Variants in DLG2 observed in about 807,000 individuals in gnomAD.
DLG2 encodes the protein disks large homolog 2.
A neutral mutation model predicts 132.5 loss-of-function variants in DLG2; 45 were observed. The ratio of observed to expected loss-of-function variants is 0.34; its 90% confidence interval spans 0.27 to 0.44. The LOEUF (loss-of-function observed/expected upper bound fraction) is 0.44. DLG2 is among the 20% of genes least tolerant of loss of function. The pLI is 1.00. For missense variants in DLG2, 1,045 were observed against 1,196.9 expected (o/e 0.87, Z 1.87); for synonymous variants, 424 against 419.6 (o/e 1.01, Z -0.13).
intron 6 of DLG2, among the ~76,000 whole-genome samples, chr11:84,942,197 TTTTG>T (rs1443529138): frequency 6.6e-6 from 1 of 152,138 alleles, no homozygotes; most frequent in African/African-American, 2.4e-5. Context: ...TAACTTCTTA[TTTTG>T]TTTATCTATT....
At chr11:85,501,149 AC>A (rs780972053) in intron 3 of DLG2, among the ~76,000 whole-genome samples, 2 of 152,174 alleles carry the variant, frequency 1.3e-5, no homozygotes, top group Non-Finnish European at 2.9e-5. Context: ...GACAAACCCG[AC>A]AAAAACAAGC....
Position 84,203,780 on chromosome 11 carries a change from G to T in DLG2, c.574-40269C>A, listed in dbSNP as rs142009302. On this transcript the variant is annotated intron_variant, in intron 8 of 27. Coordinates refer to ENST00000376104, the MANE Select transcript of DLG2 (RefSeq NM_001142699.3). ...AACACAAAATGGGGCTTGTCAGAGG[G>T]TGTGGGTGACAGGAGGGAATGCCTC... Among the ~76,000 whole-genome samples, 164 of 151,990 alleles carry T rather than the reference G, an allele frequency of 1.1e-3. 4 individuals are homozygous for T. In the East Asian group the frequency reaches 0.017, roughly 15 times the overall value.
At chr11:85,624,705 T>C (rs1422547522) in intron 2 of DLG2, among the ~76,000 whole-genome samples, 1 of 152,188 alleles carries the variant, frequency 6.6e-6, no homozygotes, top group Non-Finnish European at 1.5e-5. Context: ...TTTTAAGAGA[T>C]TAAAAGCAAG....
At chr11:84,070,006 C>T (rs1487093894) in intron 10 of DLG2, among the ~76,000 whole-genome samples, 4 of 152,202 alleles carry the variant, frequency 2.6e-5, no homozygotes, top group Non-Finnish European at 5.9e-5. Context: ...AGCTTCCTAG[C>T]TAGTTTTCCT....
chr11:84,109,454 G>T (rs1329928685), intron 9 of DLG2, among the ~76,000 whole-genome samples: 1 of 152,160 alleles, frequency 6.6e-6, no homozygotes, highest in Admixed American at 6.5e-5. Flanking sequence ...AGAATAGGCT[G>T]GGTGGATTGA....
At chr11:84,657,204 A>G (rs146161043) in intron 6 of DLG2, among the ~76,000 whole-genome samples, 1 of 152,244 alleles carries the variant, frequency 6.6e-6, no homozygotes, top group East Asian at 1.9e-4. Flanking sequence ...ATAAAAATAA[A>G]CCTATTTTAA....
At chr11:84,104,224 C>T (rs1394442020) in intron 9 of DLG2, among the ~76,000 whole-genome samples, 1 of 152,040 alleles carries the variant, frequency 6.6e-6, no homozygotes, top group Non-Finnish European at 1.5e-5. Flanking sequence ...TACATATATA[C>T]CATGGAATAC....
intron 3 of DLG2, among the ~76,000 whole-genome samples, chr11:85,484,936 A>G (rs1168704927): frequency 3.3e-5 from 5 of 152,172 alleles, no homozygotes; most frequent in Non-Finnish European, 7.3e-5. Context: ...ACAATAGCAA[A>G]GACTTGGAAC....
intron 6 of DLG2, among the ~76,000 whole-genome samples, chr11:84,740,645 T>C (rs2064488545): frequency 6.6e-6 from 1 of 152,158 alleles, no homozygotes; most frequent in African/African-American, 2.4e-5. Context: ...CACCAGTGGC[T>C]GAACACCACA....
intron 6 of DLG2, among the ~76,000 whole-genome samples, chr11:84,836,017 G>A (rs963861212): frequency 6.6e-6 from 1 of 151,716 alleles, no homozygotes. Flanking sequence ...GAAAACAGGA[G>A]AGCAGGAACT....
At chr11:84,650,873 G>GTATATATATATATA (rs71274437) in intron 6 of DLG2, among the ~76,000 whole-genome samples, 17 of 123,972 alleles carry the variant, frequency 1.4e-4, no homozygotes, top group African/African-American at 2.5e-4. Flanking sequence ...GTGTGTGTGT[G>GTATATATATATATA]TATATATATA....
rs113318666 is a variant in DLG2 at position 84,490,886 on chromosome 11, C to CGTGTGTGTGT, written c.519+43674_519+43683dup. Among the ~76,000 whole-genome samples the CGTGTGTGTGT allele has an allele frequency of 4.9e-3, 723 of 147,934 alleles. 9 individuals carry two copies. Among genetic ancestry groups the CGTGTGTGTGT allele is most frequent in the African/African-American group, 0.015 (607 of 40,568 alleles). Reference sequence around the variant, plus strand: ...CCATTCTAACAGATCTGAATGGTTGCGTGTGTGTGTGTGTGTGTGTGTGCA... The same window carrying CGTGTGTGTGT: ...CCATTCTAACAGATCTGAATGGTTGCGTGTGTGTGTGTGTGTGTGTGTGTGTGTGTGTGCA... On this transcript the variant is annotated intron_variant, in intron 7 of 27. Transcript: ENST00000376104.
At chr11:84,259,181 G>A (rs1215303455) in intron 7 of DLG2, among the ~76,000 whole-genome samples, 3 of 150,182 alleles carry the variant, frequency 2.0e-5, no homozygotes, top group Non-Finnish European at 4.4e-5. Context: ...TGAGGCAGGA[G>A]AATGGCTGGA....
At chr11:84,405,415 G>A (rs1204229331) in intron 7 of DLG2, among the ~76,000 whole-genome samples, 1 of 152,084 alleles carries the variant, frequency 6.6e-6, no homozygotes, top group Non-Finnish European at 1.5e-5. Flanking sequence ...TCTGTCTTCC[G>A]TACCATGAAG....
chr11:83,988,689 G>A (rs986042622), intron 11 of DLG2, among the ~76,000 whole-genome samples: 4 of 152,048 alleles, frequency 2.6e-5, no homozygotes, highest in Admixed American at 2.6e-4. Flanking sequence ...GTCATAGACT[G>A]TCAATTTAGG....
chr11:84,373,268 A>AAAAAAAAAAAAAAAAAC (rs1567449347), intron 7 of DLG2, among the ~76,000 whole-genome samples: 12 of 135,736 alleles, frequency 8.8e-5, no homozygotes, highest in Non-Finnish European at 1.5e-4. Context: ...AAAAAAACAA[A>AAAAAAAAAAAAAAAAAC]ACAAAAAAAA....
intron 18 of DLG2, among the ~76,000 whole-genome samples, chr11:83,675,224 T>A (rs1374368250): frequency 6.6e-6 from 1 of 152,246 alleles, no homozygotes; most frequent in African/African-American, 2.4e-5. Flanking sequence ...TTATAAATTA[T>A]ATAAACTTTG....
At chr11:84,951,206 T>C (rs2050868051) in intron 6 of DLG2, among the ~76,000 whole-genome samples, 1 of 152,238 alleles carries the variant, frequency 6.6e-6, no homozygotes, top group South Asian at 2.1e-4. Flanking sequence ...TGTCTCATAA[T>C]ATGCTAGAAA....
chr11:85,132,914 C>T (rs2075841920), intron 5 of DLG2: 6 of 440,582 alleles, frequency 1.4e-5, no homozygotes, highest in African/African-American at 6.0e-5. Context: ...TCTGTACAGA[C>T]GGCTTTTCCA....
Sources: gnomAD v4.1 joint callset for allele counts (sites outside exome capture counted in the v4.1 genomes callset) on GRCh38, gnomAD v4.1.1 for gene constraint, MANE v1.5 for transcripts, NCBI Gene and HGNC (gene_info 2026-07-23, HGNC 2026-07-21) for gene names.